The following SNTG1 variants were observed in gnomAD, a reference collection of about 807,000 sequenced individuals.
SNTG1 encodes the protein gamma-1-syntrophin.
A neutral mutation model predicts 74.7 loss-of-function variants in SNTG1; 39 were observed. The ratio of observed to expected loss-of-function variants is 0.52; its 90% CI spans 0.40 to 0.68. The LOEUF (loss-of-function observed/expected upper bound fraction) is 0.68, where lower values mean the gene tolerates loss of function less well. SNTG1 is among the 30% of genes least tolerant of loss of function. SNTG1 has a pLI of 0.00. For missense variants in SNTG1, 685 were observed against 609.5 expected (o/e 1.12, Z -1.30); for synonymous variants, 254 against 217.1 (o/e 1.17, Z -1.49).
chr8:50,382,309 G>T (rs887915572), intron 2 of SNTG1: 2 of 151,922 alleles, frequency 1.3e-5, no homozygotes, highest in Non-Finnish European at 2.9e-5. Context: ...GTATAACATA[G>T]AAATATCTAG....
intron 13 of SNTG1, among the ~76,000 whole-genome samples, chr8:50,602,616 A>AT (rs1478102365): frequency 6.6e-6 from 1 of 151,904 alleles, no homozygotes; most frequent in African/African-American, 2.4e-5. Flanking sequence ...CTTTCAGGTG[A>AT]TTTTTTCTTG....
chr8:50,122,421 C>T (rs1008981458), intron 1 of SNTG1, among the ~76,000 whole-genome samples: 1 of 140,722 alleles, frequency 7.1e-6, no homozygotes, highest in Non-Finnish European at 1.6e-5. Flanking sequence ...GCCTGGAATG[C>T]AGGAAGAGGG....
At chr8:50,483,276 A>T (rs1260030097) in intron 8 of SNTG1, among the ~76,000 whole-genome samples, 1 of 152,216 alleles carries the variant, frequency 6.6e-6, no homozygotes, top group African/African-American at 2.4e-5. Context: ...CTGAAATTTA[A>T]AGTGACTATG....
At chr8:50,532,357 G>T (rs1361163935) in intron 10 of SNTG1, among the ~76,000 whole-genome samples, 1 of 152,140 alleles carries the variant, frequency 6.6e-6, no homozygotes, top group Non-Finnish European at 1.5e-5. Context: ...TTACTTTGGG[G>T]AGCTGTTAAT....
chr8:49,949,738 G>A (rs529803082), intron 1 of SNTG1, among the ~76,000 whole-genome samples: 132 of 152,302 alleles, frequency 8.7e-4, no homozygotes, highest in Non-Finnish European at 1.4e-3. Flanking sequence ...AAGCACAAGG[G>A]AATACCTGTT....
At chr8:49,926,943 C>T (rs576255100) in intron 1 of SNTG1, among the ~76,000 whole-genome samples, 1 of 152,238 alleles carries the variant, frequency 6.6e-6, no homozygotes, top group African/African-American at 2.4e-5. Flanking sequence ...CCTTAACAAA[C>T]ATCTCACCAA....
At chr8:50,656,752 C>T (rs2095184230) in intron 13 of SNTG1, among the ~76,000 whole-genome samples, 157 bp from the exon 14 acceptor site, 1 of 152,036 alleles carries the variant, frequency 6.6e-6, no homozygotes, top group African/African-American at 2.4e-5. Flanking sequence ...GTTTAATGTA[C>T]TTTTTTGCAT....
At chr8:50,072,586 C>G (rs530290599) in intron 1 of SNTG1, among the ~76,000 whole-genome samples, 1 of 152,128 alleles carries the variant, frequency 6.6e-6, no homozygotes, top group Non-Finnish European at 1.5e-5. Flanking sequence ...AAATATAATA[C>G]TTTATTGTTA....
Position 50,125,364 on chromosome 8 carries a change from A to G in SNTG1, c.-102-47197A>G, listed in dbSNP as rs149008863. ...GTATCAAGATAATGTAGTAGTTATT[A>G]TTTTTAAAATGCATTAGCTAAATTG... On this transcript the variant is annotated intron_variant, in intron 1 of 18. Coordinates refer to ENST00000642720, the MANE Select transcript of SNTG1 (RefSeq NM_018967.5). Among the ~76,000 whole-genome samples the G allele has an allele frequency of 9.4e-3, 1,342 of 142,518 alleles. 172 individuals are homozygous for G. Among genetic ancestry groups the G allele is most frequent in the African/African-American group, 0.033 (1,288 of 39,546 alleles). The allele number at this position is 142,518 out of a possible 152,430, so 93.5% of individuals were successfully genotyped here. A position where few individuals can be genotyped will look rare whatever the true frequency, so the allele number is the denominator to read the frequency against.
Position 50,283,640 on chromosome 8 carries a change from C to A in SNTG1, c.-27-110572C>A, listed in dbSNP as rs2130462640. On this transcript the variant is annotated intron_variant, in intron 2 of 18. Transcript: ENST00000642720. The stretch of plus-strand genomic sequence containing the variant: ...TCACCCTATTTACTTTTAAAAGTTT[C>A]TCATTCCTGAGAAGTTCATCTTGAA... Among the ~76,000 whole-genome samples, 3 of 152,218 alleles carry A rather than the reference C, an allele frequency of 2.0e-5. No homozygotes were observed. In the South Asian group the frequency reaches 6.2e-4, roughly 32 times the overall value.
At chr8:50,186,770 G>A (rs981195178) in intron 2 of SNTG1, among the ~76,000 whole-genome samples, 1 of 152,088 alleles carries the variant, frequency 6.6e-6, no homozygotes, top group East Asian at 1.9e-4. Context: ...TAAGTTCCTT[G>A]TAGATTGTGG....
chr8:50,491,597 C>G (rs1449673998), intron 8 of SNTG1: 2 of 152,268 alleles, frequency 1.3e-5, no homozygotes, highest in South Asian at 2.1e-4. Context: ...GCGCAGCAGG[C>G]AAGGGCGACC....
intron 2 of SNTG1, among the ~76,000 whole-genome samples, chr8:50,328,285 A>C (rs1056123317): frequency 6.6e-6 from 1 of 152,148 alleles, no homozygotes; most frequent in South Asian, 2.1e-4. Flanking sequence ...TTGAAGGATA[A>C]TTTTGCAAGA....
intron 2 of SNTG1, among the ~76,000 whole-genome samples, chr8:50,218,343 A>G (rs955278345): frequency 4.6e-5 from 7 of 151,266 alleles, no homozygotes; most frequent in South Asian, 2.1e-4. Context: ...AAGAAAAAAA[A>G]TTTAAATGCT....
At chr8:50,690,731 T>C (rs554794135) in intron 15 of SNTG1, among the ~76,000 whole-genome samples, 3 of 152,324 alleles carry the variant, frequency 2.0e-5, no homozygotes, top group Non-Finnish European at 2.9e-5. Flanking sequence ...TCTGTTGATT[T>C]GGTGTGGCAA....
chr8:50,626,781 C>T (rs115966374), intron 13 of SNTG1, among the ~76,000 whole-genome samples: 5,713 of 152,178 alleles, frequency 0.038, 172 homozygotes, highest in African/African-American at 0.076. Context: ...GTGTCATGGC[C>T]ATCAGGAACA....
rs556111601 is a variant in SNTG1 at position 50,577,468 on chromosome 8, T to G, written c.811-13411T>G. 1.3e-4 allele frequency among the ~76,000 whole-genome samples: 19 copies of G among 151,750 alleles called. 1 individual carries two copies. In the South Asian group the frequency reaches 2.7e-3, roughly 22 times the overall value. On this transcript the variant is annotated intron_variant, in intron 12 of 18. Transcript: ENST00000642720. ...CCATAGTTTTTTTTTTTTGTTTTTTTTTTTCTTCTGGTGTCTTTGTGTGGC... is the reference window on the plus strand; with the variant it reads ...CCATAGTTTTTTTTTTTTGTTTTTTGTTTTCTTCTGGTGTCTTTGTGTGGC...
intron 15 of SNTG1, among the ~76,000 whole-genome samples, chr8:50,696,237 A>G (rs2095404724): frequency 6.6e-6 from 1 of 152,018 alleles, no homozygotes. Flanking sequence ...GCATTTTTTC[A>G]AATGTCTGAT....
chr8:50,551,886 C>T (rs939008392), intron 11 of SNTG1, among the ~76,000 whole-genome samples: 6 of 151,972 alleles, frequency 3.9e-5, no homozygotes, highest in African/African-American at 1.5e-4. Context: ...TCGTGGATGC[C>T]CAAGGCCTTA....
Sources: gnomAD v4.1 joint callset for allele counts (sites outside exome capture counted in the v4.1 genomes callset) on GRCh38, gnomAD v4.1.1 for gene constraint, MANE v1.5 for transcripts, NCBI Gene and HGNC (gene_info 2026-07-23, HGNC 2026-07-21) for gene names.